The following MTUS2 variants were observed in gnomAD, a reference collection of about 807,000 sequenced individuals.
MTUS2 encodes the protein microtubule-associated tumor suppressor candidate 2.
Under a neutral mutation model 114.1 loss-of-function variants are expected in MTUS2, and 40 were observed. The ratio of observed to expected loss-of-function variants is 0.35; its 90% CI spans 0.27 to 0.46. The LOEUF (loss-of-function observed/expected upper bound fraction) is 0.46, where lower values mean the gene tolerates loss of function less well. Ranked by LOEUF, MTUS2 falls within the 20% of genes least tolerant of loss-of-function variation. MTUS2 has a pLI of 1.00. For synonymous variants in MTUS2, 688 were observed against 672.0 expected, an observed-to-expected ratio of 1.02 and a Z score of -0.37; for missense variants, 1,679 against 1,705.4, an observed-to-expected ratio of 0.98 and a Z score of 0.27.
chr13:29,018,130 G>C lies in MTUS2; in HGVS notation c.-242-6327G>C, dbSNP rs117840015. On this transcript the variant is annotated intron_variant, in intron 2 of 15. Coordinates refer to ENST00000612955, the MANE Select transcript of MTUS2 (RefSeq NM_001033602.4). Reference sequence around the variant, plus strand: ...GTAGGTGGGCTTTGAGCTGGACTTTGATGCTTAGAGTCTGCAGCTCTTGGG... The same window carrying C: ...GTAGGTGGGCTTTGAGCTGGACTTTCATGCTTAGAGTCTGCAGCTCTTGGG... Among the ~76,000 whole-genome samples, 54 of 152,330 alleles carry C rather than the reference G, an allele frequency of 3.5e-4. No individual in the cohort carries two copies. In the East Asian group the frequency reaches 0.01, roughly 29 times the overall value.
At chr13:28,897,941 C>T (rs1879384607) in intron 2 of MTUS2, among the ~76,000 whole-genome samples, 1 of 151,546 alleles carries the variant, frequency 6.6e-6, no homozygotes, top group African/African-American at 2.4e-5. Flanking sequence ...AGGAGATATA[C>T]CTAATGTTAA....
chr13:29,193,268 G>T (rs1894522080), intron 5 of MTUS2, among the ~76,000 whole-genome samples: 1 of 152,042 alleles, frequency 6.6e-6, no homozygotes, highest in Non-Finnish European at 1.5e-5. Flanking sequence ...ACTCGAAAGG[G>T]GGAGAGTAGT....
At chr13:29,293,807 A>G (rs561854504) in intron 6 of MTUS2, among the ~76,000 whole-genome samples, 1 of 152,166 alleles carries the variant, frequency 6.6e-6, no homozygotes, top group Non-Finnish European at 1.5e-5. Flanking sequence ...ATAACATGTC[A>G]TTAAAGGTAG....
At chr13:29,310,142 T>C (rs1192941969) in intron 6 of MTUS2, among the ~76,000 whole-genome samples, 1 of 152,212 alleles carries the variant, frequency 6.6e-6, no homozygotes, top group Non-Finnish European at 1.5e-5. Context: ...GTTAGTTTTA[T>C]GCTAAGCGCT....
chr13:29,345,570 C>T (rs1355570149), intron 7 of MTUS2, among the ~76,000 whole-genome samples: 1 of 151,636 alleles, frequency 6.6e-6, no homozygotes, highest in Non-Finnish European at 1.5e-5. Flanking sequence ...TGTCCTATAA[C>T]ATTGTTTTTT....
intron 9 of MTUS2, among the ~76,000 whole-genome samples, chr13:29,467,381 A>T (rs1460588127): frequency 6.6e-6 from 1 of 152,212 alleles, no homozygotes; most frequent in African/African-American, 2.4e-5. Flanking sequence ...CAGGAAAAAA[A>T]GAATTAAAAC....
chr13:28,930,593 A>G (rs1216063793), intron 2 of MTUS2, among the ~76,000 whole-genome samples: 1 of 152,222 alleles, frequency 6.6e-6, no homozygotes, highest in Non-Finnish European at 1.5e-5. Context: ...GCATTTCAAC[A>G]AGAACATCTC....
intron 8 of MTUS2, among the ~76,000 whole-genome samples, chr13:29,412,721 C>A (rs1593416423): frequency 1.3e-5 from 2 of 151,970 alleles, no homozygotes; most frequent in African/African-American, 4.8e-5. Context: ...AAGACCCTGT[C>A]TCTTCAAAAA....
intron 2 of MTUS2, among the ~76,000 whole-genome samples, chr13:28,980,738 A>G (rs771667159): frequency 1.5e-4 from 23 of 151,968 alleles, no homozygotes; most frequent in Non-Finnish European, 2.4e-4. Context: ...TAATTTTGAT[A>G]GATGTCAGGT....
rs1054356645 is a variant in MTUS2, at chr13:28,965,731, G to A, written c.-242-58726G>A. Among the ~76,000 whole-genome samples, 4 of 152,130 alleles carry A rather than the reference G, an allele frequency of 2.6e-5. No homozygotes were observed. In the East Asian group the frequency reaches 7.7e-4, roughly 29 times the overall value. ...GGTGAGCAGGTCAGCGACCCAGGAA[G>A]GGCTGATATTGCAGCTCAAGTCCCA... On this transcript the variant is annotated intron_variant, in intron 2 of 15. Transcript: ENST00000612955.
intron 6 of MTUS2, among the ~76,000 whole-genome samples, chr13:29,316,339 G>A (rs1322314875): frequency 6.6e-6 from 1 of 152,188 alleles, no homozygotes; most frequent in African/African-American, 2.4e-5. Flanking sequence ...TTTACCAAAG[G>A]AAGAAGGAGT....
intron 5 of MTUS2, among the ~76,000 whole-genome samples, chr13:29,154,751 C>G (rs1456417113): frequency 6.6e-6 from 1 of 152,180 alleles, no homozygotes; most frequent in African/African-American, 2.4e-5. Flanking sequence ...TATGGCTAAG[C>G]TAGATTGGAT....
intron 2 of MTUS2, among the ~76,000 whole-genome samples, chr13:28,851,054 A>G (rs935618837): frequency 5.9e-5 from 9 of 152,212 alleles, no homozygotes; most frequent in Non-Finnish European, 1.3e-4. Flanking sequence ...ATATTCTGAA[A>G]AGGATGGAAG....
At chr13:29,462,969 C>T (rs1879619089) in intron 9 of MTUS2, among the ~76,000 whole-genome samples, 1 of 152,028 alleles carries the variant, frequency 6.6e-6, no homozygotes, top group Non-Finnish European at 1.5e-5. Context: ...ATGATTAACT[C>T]AAGGATCTTG....
At chr13:28,854,882 A>G (rs1227496193) in intron 2 of MTUS2, among the ~76,000 whole-genome samples, 1 of 151,378 alleles carries the variant, frequency 6.6e-6, no homozygotes, top group Non-Finnish European at 1.5e-5. Context: ...TGGCAGTTCT[A>G]GCTCCCACTG....
intron 5 of MTUS2, among the ~76,000 whole-genome samples, chr13:29,190,355 G>T (rs1013153981): frequency 6.6e-6 from 1 of 152,200 alleles, no homozygotes; most frequent in Non-Finnish European, 1.5e-5. Context: ...CTCTGATTGA[G>T]ATGGGAAACT....
intron 6 of MTUS2, 146 bp from the exon 7 acceptor site, chr13:29,324,467 G>C (rs1424664268): frequency 1.6e-6 from 1 of 617,178 alleles, no homozygotes; most frequent in African/African-American, 1.8e-5. Flanking sequence ...AGCACAGGGG[G>C]TGGTGACCAT....
chr13:29,236,907 C>G lies in MTUS2; in HGVS notation c.2645-44797C>G, dbSNP rs528172704. 2.0e-5 allele frequency among the ~76,000 whole-genome samples: 3 copies of G among 152,304 alleles called. No homozygotes were observed. In the East Asian group the frequency reaches 5.8e-4, roughly 29 times the overall value. ...AGTCCTGGAATGTGAGCAATTGTATCAATTCTTGTTCTCTGTTGGAAAGAG... is the reference window on the plus strand; with the variant it reads ...AGTCCTGGAATGTGAGCAATTGTATGAATTCTTGTTCTCTGTTGGAAAGAG... On this transcript the variant is annotated intron_variant, in intron 5 of 15. Transcript: ENST00000612955.
intron 8 of MTUS2, among the ~76,000 whole-genome samples, chr13:29,363,127 A>T (rs1272412995): frequency 1.3e-5 from 2 of 152,126 alleles, no homozygotes; most frequent in African/African-American, 4.8e-5. Flanking sequence ...CCTTAGGGTC[A>T]GGTTGAATGG....
Sources: allele counts gnomAD v4.1 joint callset (sites outside exome capture counted in the v4.1 genomes callset), GRCh38; gene constraint gnomAD v4.1.1; transcripts MANE v1.5; gene names NCBI Gene and HGNC (gene_info 2026-07-23, HGNC 2026-07-21).